The following ZMYM4 variants were observed in gnomAD, a reference collection of about 807,000 sequenced individuals.
ZMYM4 encodes zinc finger MYM-type protein 4.
ZMYM4 carries 31 observed loss-of-function variants against 183.2 expected under a neutral mutation model. The ratio of observed to expected loss-of-function variants is 0.17; its 90% confidence interval spans 0.13 to 0.23. The LOEUF is 0.23. Among genes scored for constraint, ZMYM4 ranks in the 10% least tolerant of loss-of-function variants. ZMYM4 has a pLI of 1.00. For synonymous variants in ZMYM4, 592 were observed against 631.2 expected (o/e 0.94, Z 0.93); for missense variants, 1,273 against 1,840.3 (o/e 0.69, Z 5.64).
intron 2 of ZMYM4, among the ~76,000 whole-genome samples, chr1:35,326,469 A>G (rs914668864): frequency 1.3e-5 from 2 of 152,204 alleles, no homozygotes; most frequent in Non-Finnish European, 2.9e-5. Flanking sequence ...AACAAACAAT[A>G]ATAAACATGA....
intron 2 of ZMYM4, among the ~76,000 whole-genome samples, chr1:35,337,598 A>G (rs1037509116): frequency 6.6e-6 from 1 of 152,176 alleles, no homozygotes; most frequent in Non-Finnish European, 1.5e-5. Context: ...TAGACTTTGT[A>G]GGTCATACTG....
intron 1 of ZMYM4, among the ~76,000 whole-genome samples, chr1:35,286,775 T>A (rs868069104): frequency 0.033 from 919 of 27,828 alleles, 4 homozygotes; most frequent in African/African-American, 0.18. Flanking sequence ...TTAAATAATT[T>A]TTTTTTTTTT....
chr1:35,287,411 T>C (rs569060303), intron 1 of ZMYM4, among the ~76,000 whole-genome samples: 1 of 151,908 alleles, frequency 6.6e-6, no homozygotes, highest in Admixed American at 6.6e-5. Context: ...GTGATTTCCA[T>C]TTTACTTCTT....
chr1:35,348,068 T>C (rs1643464791), intron 2 of ZMYM4, among the ~76,000 whole-genome samples: 1 of 152,224 alleles, frequency 6.6e-6, no homozygotes, highest in African/African-American at 2.4e-5. Flanking sequence ...CAGGGATCAT[T>C]CTAAAAAGTA....
intron 1 of ZMYM4, among the ~76,000 whole-genome samples, chr1:35,290,031 G>A (rs1199215831): frequency 6.6e-6 from 1 of 151,064 alleles, no homozygotes; most frequent in African/African-American, 2.4e-5. Context: ...GCGGTGGTGC[G>A]ATCTCAACTC....
At chr1:35,293,884 G>A (rs1451842227) in intron 1 of ZMYM4, among the ~76,000 whole-genome samples, 2 of 152,074 alleles carry the variant, frequency 1.3e-5, no homozygotes, top group South Asian at 2.1e-4. Flanking sequence ...AGGCACGGTG[G>A]CTCACACCTG....
Position 35,386,163 on chromosome 1 carries a change from A to C in ZMYM4, c.1810A>C (p.Ser604Arg). 2 of 1,613,848 alleles carry C rather than the reference A, an allele frequency of 1.2e-6. No individual in the cohort carries two copies. The highest frequency in any genetic ancestry group is 1.7e-6 in the Non-Finnish European group (2 of 1,179,866). The change falls in exon 11 of 30, where the codon AGC becomes CGC. Residue 604 changes from serine to arginine, a missense_variant. Physicochemically the swap from Ser to Arg is moderately radical, Grantham distance 110. Transcript: ENST00000314607. ...AGATGGAAGTATACGCAACTTCTGC[A>C]GCTACAGCTGTGTGGTAGCTTTCCA... ...MSDGSIRNFC[S>R]YSCVVAFQNL... is the part of the protein sequence containing the mutation.
At chr1:35,293,101 A>G (rs982308282) in intron 1 of ZMYM4, among the ~76,000 whole-genome samples, 10 of 151,814 alleles carry the variant, frequency 6.6e-5, no homozygotes, top group Middle Eastern at 6.8e-3. Context: ...CCTAGGCTCA[A>G]GCAACCCTCC....
At chr1:35,336,146 G>C (rs1642966755) in intron 2 of ZMYM4, among the ~76,000 whole-genome samples, 1 of 152,120 alleles carries the variant, frequency 6.6e-6, no homozygotes, top group Non-Finnish European at 1.5e-5. Context: ...CTAAGAGTTT[G>C]ACTATGGTAG....
Position 35,359,357 on chromosome 1 carries a change from G to A in ZMYM4, c.518G>A (p.Arg173Lys). The change falls in exon 3 of 30, where the codon AGA becomes AAA. Residue 173 changes from arginine (R) to lysine (K), a missense_variant. Coordinates refer to ENST00000314607, the MANE Select transcript of ZMYM4 (RefSeq NM_005095.3). ...ACATTTTCTGGAAAGGAGAAAAATA[G>A]AGACCTAACTTATGAACGTGAAAAA... ...KETFSGKEKN[R>K]DLTYEREKRL... 1 of 1,608,172 alleles carries A rather than the reference G, an allele frequency of 6.2e-7. No individual in the cohort carries two copies. Among genetic ancestry groups the A allele is most frequent in the Non-Finnish European group, 8.5e-7 (1 of 1,178,394 alleles).
At chr1:35,278,876 A>G (rs1219778672) in intron 1 of ZMYM4, among the ~76,000 whole-genome samples, 1 of 152,236 alleles carries the variant, frequency 6.6e-6, no homozygotes, top group Non-Finnish European at 1.5e-5. Flanking sequence ...GAAACTGGAA[A>G]ACAACTTATC....
At position 35,386,132 on chromosome 1, in the gene ZMYM4, C is replaced by A. The variant is rs776718843; in HGVS notation, c.1779C>A (p.Ala593=). 8 of 1,613,882 alleles carry A rather than the reference C, an allele frequency of 5.0e-6. No individual in the cohort carries two copies. The East Asian group carries it at 1.8e-4, about 36-fold the overall frequency. Reference sequence around the variant, plus strand: ...CAGCAATTCCTCAGTATCACCTAGCCATGTCAGATGGAAGTATACGCAACT... The same window carrying A: ...CAGCAATTCCTCAGTATCACCTAGCAATGTCAGATGGAAGTATACGCAACT... ...KTSAIPQYHL[A]MSDGSIRNFC... Residue 593 remains alanine, a synonymous_variant, in exon 11 of 30, where the codon GCC becomes GCA. Coordinates refer to ENST00000314607, the MANE Select transcript of ZMYM4 (RefSeq NM_005095.3).
chr1:35,276,294 C>T (rs1639873252), intron 1 of ZMYM4, among the ~76,000 whole-genome samples: 1 of 138,080 alleles, frequency 7.2e-6, no homozygotes, highest in Non-Finnish European at 1.5e-5. Flanking sequence ...TTTCTTCCCT[C>T]CTTTCCTTTC....
At chr1:35,360,619 C>G (rs1036070066) in intron 3 of ZMYM4, among the ~76,000 whole-genome samples, 1 of 151,924 alleles carries the variant, frequency 6.6e-6, no homozygotes, top group African/African-American at 2.4e-5. Context: ...GTAGAATGGA[C>G]AAGACAAGTC....
intron 15 of ZMYM4, among the ~76,000 whole-genome samples, chr1:35,391,214 A>T (rs1189927478): frequency 6.6e-6 from 1 of 152,134 alleles, no homozygotes; most frequent in Non-Finnish European, 1.5e-5. Context: ...GTCTGCAAAG[A>T]CGCAGCGGCT....
chr1:35,286,587 T>C (rs973903201), intron 1 of ZMYM4, among the ~76,000 whole-genome samples: 8 of 149,334 alleles, frequency 5.4e-5, no homozygotes, highest in Non-Finnish European at 8.9e-5. Flanking sequence ...CCTGCCTCTG[T>C]CTGCCTATTT....
chr1:35,284,522 G>A (rs1352068322), intron 1 of ZMYM4, among the ~76,000 whole-genome samples: 2 of 152,288 alleles, frequency 1.3e-5, no homozygotes, highest in South Asian at 4.1e-4. Context: ...AGGTTTCATA[G>A]CACCTTTTGT....
At chr1:35,302,139 C>T (rs1471931840) in intron 1 of ZMYM4, among the ~76,000 whole-genome samples, 1 of 150,996 alleles carries the variant, frequency 6.6e-6, no homozygotes, top group Admixed American at 6.6e-5. Context: ...CTGTAGCTCA[C>T]AGGCCAAATT....
At chr1:35,297,383 G>A (rs1641071327) in intron 1 of ZMYM4, among the ~76,000 whole-genome samples, 1 of 151,964 alleles carries the variant, frequency 6.6e-6, no homozygotes, top group Non-Finnish European at 1.5e-5. Context: ...GGTGAGATGG[G>A]AGGATGGTTT....
Sources: allele counts gnomAD v4.1 joint callset (sites outside exome capture counted in the v4.1 genomes callset), GRCh38; gene constraint gnomAD v4.1.1; transcripts MANE v1.5; gene names NCBI Gene and HGNC (gene_info 2026-07-23, HGNC 2026-07-21).